The following OCA2 variants were observed in gnomAD, a reference collection of about 807,000 sequenced individuals.
The protein encoded by OCA2 is P protein.
A neutral mutation model predicts 100.2 loss-of-function variants in OCA2; 77 were observed. That is an observed-to-expected ratio of 0.77 (90% CI 0.64 to 0.93). OCA2 has a LOEUF of 0.93. OCA2 is among the 40% of genes least tolerant of loss of function. OCA2 has a pLI of 0.00. For synonymous variants in OCA2, 432 were observed against 439.2 expected (o/e 0.98, Z 0.21); for missense variants, 1,062 against 1,089.1 (o/e 0.98, Z 0.35).
chr15:27,751,807 T>C (rs2030074194), downstream of OCA2, among the ~76,000 whole-genome samples: 1 of 152,188 alleles, frequency 6.6e-6, no homozygotes, highest in Non-Finnish European at 1.5e-5. Context: ...TTCTGACTAG[T>C]GTACTAGTCT....
intron 18 of OCA2, among the ~76,000 whole-genome samples, chr15:27,930,166 G>C (rs960201522): frequency 1.3e-5 from 2 of 152,046 alleles, no homozygotes; most frequent in Non-Finnish European, 2.9e-5. Flanking sequence ...TAAAGCATAA[G>C]GTAACACAAA....
At chr15:28,001,110 T>C (rs1184598140) in intron 9 of OCA2, among the ~76,000 whole-genome samples, 2 of 152,172 alleles carry the variant, frequency 1.3e-5, no homozygotes, top group East Asian at 3.9e-4. Context: ...TCTGGGTCTA[T>C]ATCCAAAGGA....
chr15:27,819,086 T>C (rs1333842865), intron 23 of OCA2, among the ~76,000 whole-genome samples: 1 of 152,184 alleles, frequency 6.6e-6, no homozygotes, highest in Non-Finnish European at 1.5e-5. Flanking sequence ...TGAAATACTT[T>C]TGTAAAATAA....
At chr15:28,071,831 G>A (rs1033965796) in intron 2 of OCA2, among the ~76,000 whole-genome samples, 2 of 152,192 alleles carry the variant, frequency 1.3e-5, no homozygotes, top group Non-Finnish European at 2.9e-5. Context: ...AGACAACTTA[G>A]GAAATACTCT....
intron 23 of OCA2, among the ~76,000 whole-genome samples, chr15:27,838,976 C>T (rs1431962416): frequency 6.6e-6 from 1 of 152,024 alleles, no homozygotes; most frequent in Non-Finnish European, 1.5e-5. Flanking sequence ...CTAAGAGAAA[C>T]AAGCATAGAA....
At chr15:27,737,037 C>T in the OCA2 span, among the ~76,000 whole-genome samples, 1 of 152,122 alleles carries the variant, frequency 6.6e-6, no homozygotes, top group Admixed American at 6.5e-5. Flanking sequence ...AAATCAATTA[C>T]CTTTGTTTAT....
chr15:27,722,818 C>CTT, the OCA2 span, among the ~76,000 whole-genome samples: 132 of 141,422 alleles, frequency 9.3e-4, no homozygotes, highest in Admixed American at 1.8e-3. Context: ...CTCTCTTTCT[C>CTT]TCTCTCTCTC....
At chr15:27,873,632 G>A (rs2036672354) in intron 19 of OCA2, among the ~76,000 whole-genome samples, 2 of 152,040 alleles carry the variant, frequency 1.3e-5, no homozygotes, top group African/African-American at 4.8e-5. Flanking sequence ...TGTACCTATA[G>A]ACATTTATAT....
At chr15:27,991,919 T>G (rs2041567587) in intron 9 of OCA2, among the ~76,000 whole-genome samples, 1 of 152,230 alleles carries the variant, frequency 6.6e-6, no homozygotes. Flanking sequence ...TCATTTATAA[T>G]GTGTAGTACT....
chr15:27,866,121 C>T (rs2036313605), intron 21 of OCA2, among the ~76,000 whole-genome samples: 1 of 152,216 alleles, frequency 6.6e-6, no homozygotes, highest in Non-Finnish European at 1.5e-5. Flanking sequence ...CCATCGTACC[C>T]AGAGGCTGCC....
At chr15:27,803,199 G>A (rs565146841) in intron 23 of OCA2, among the ~76,000 whole-genome samples, 51 of 149,228 alleles carry the variant, frequency 3.4e-4, no homozygotes, top group Admixed American at 1.7e-3. Context: ...AAACCACGAC[G>A]AGACAAAATA....
the OCA2 span, among the ~76,000 whole-genome samples, chr15:27,726,838 C>T: frequency 3.3e-5 from 5 of 152,248 alleles, no homozygotes; most frequent in Non-Finnish European, 5.9e-5. Context: ...AAATGTTCTT[C>T]GTCTCTCTCA....
At chr15:27,768,614 T>C (rs1256474756) in intron 23 of OCA2, among the ~76,000 whole-genome samples, 1 of 152,230 alleles carries the variant, frequency 6.6e-6, no homozygotes, top group African/African-American at 2.4e-5. Flanking sequence ...TCAGGGCAAG[T>C]AGAATCTATG....
intron 9 of OCA2, among the ~76,000 whole-genome samples, chr15:28,003,796 C>T (rs1176028541): frequency 6.6e-6 from 1 of 152,216 alleles, no homozygotes; most frequent in Non-Finnish European, 1.5e-5. Context: ...CCAGCCTGCT[C>T]GCGTCCTCGA....
intron 14 of OCA2, among the ~76,000 whole-genome samples, chr15:27,980,118 T>A (rs2041108080): frequency 6.6e-6 from 1 of 152,060 alleles, no homozygotes; most frequent in African/African-American, 2.4e-5. Context: ...TATCTCAAAG[T>A]GGCTTAATTT....
At chr15:27,808,515 G>T (rs2033949122) in intron 23 of OCA2, among the ~76,000 whole-genome samples, 1 of 152,176 alleles carries the variant, frequency 6.6e-6, no homozygotes, top group Non-Finnish European at 1.5e-5. Flanking sequence ...GAACCACATG[G>T]CAGAAATTCT....
At chr15:27,757,787 C>T (rs2030504583) in intron 23 of OCA2, among the ~76,000 whole-genome samples, 2 of 152,204 alleles carry the variant, frequency 1.3e-5, no homozygotes, top group South Asian at 4.1e-4. Context: ...GTTTTAGCCA[C>T]AGACCAGTGC....
At chr15:28,045,082 T>C (rs68192962) in intron 2 of OCA2, among the ~76,000 whole-genome samples, 49,478 of 152,088 alleles carry the variant, frequency 0.33, 11,842 homozygotes, top group East Asian at 0.88. Flanking sequence ...ATCTTGATAC[T>C]TGTTTTCTAT....
At chr15:28,004,049 T>C (rs1250127753) in intron 9 of OCA2, among the ~76,000 whole-genome samples, 1 of 152,158 alleles carries the variant, frequency 6.6e-6, no homozygotes, top group Admixed American at 6.5e-5. Flanking sequence ...GCCCCACAGG[T>C]CTGCAAGACA....
Sources: gnomAD v4.1 joint callset for allele counts (sites outside exome capture counted in the v4.1 genomes callset) on GRCh38, gnomAD v4.1.1 for gene constraint, MANE v1.5 for transcripts, NCBI Gene and HGNC (gene_info 2026-07-23, HGNC 2026-07-21) for gene names.